The following AMOTL1 variants were observed in gnomAD, a reference collection of about 807,000 sequenced individuals.
The protein encoded by AMOTL1 is angiomotin-like protein 1.
A neutral mutation model predicts 102.9 loss-of-function variants in AMOTL1; 45 were observed. The observed-to-expected ratio is 0.44, with a 90% CI of 0.34 to 0.56. The LOEUF (loss-of-function observed/expected upper bound fraction) is 0.56. AMOTL1 is among the 20% of genes least tolerant of loss of function. The pLI is 0.01. For missense variants in AMOTL1, 1,114 were observed against 1,225.6 expected (o/e 0.91, Z 1.36); for synonymous variants, 481 against 484.7 (o/e 0.99, Z 0.10).
intron 1 of AMOTL1, among the ~76,000 whole-genome samples, chr11:94,787,687 C>CAAAAAAAAAAAAAA (rs59563004): frequency 3.5e-5 from 2 of 57,544 alleles, no homozygotes; most frequent in African/African-American, 8.1e-5. Context: ...AACTCCGTCT[C>CAAAAAAAAAAAAAA]AAAAAAAAAA....
chr11:94,830,260 C>T (rs1952045568), intron 5 of AMOTL1, 66 bp downstream of exon 5: 3 of 1,452,010 alleles, frequency 2.1e-6, no homozygotes, highest in Admixed American at 2.5e-5. Context: ...AAAAGCACGA[C>T]TTCAAGGCCA....
chr11:94,763,153 A>G (rs547465874), intron 3 of AMOTL1, among the ~76,000 whole-genome samples: 1 of 152,208 alleles, frequency 6.6e-6, no homozygotes, highest in East Asian at 1.9e-4. Context: ...TATTTCCAGA[A>G]CTACACAAGT....
At chr11:94,831,267 G>A (rs1227193843) in intron 5 of AMOTL1, among the ~76,000 whole-genome samples, 185 bp from the exon 6 acceptor site, 1 of 152,004 alleles carries the variant, frequency 6.6e-6, no homozygotes, top group African/African-American at 2.4e-5. Flanking sequence ...ACACAGTGTG[G>A]CATCTGAAGC....
intron 8 of AMOTL1, 50 bp from the exon 9 acceptor site, chr11:94,859,463 GCAGTTGTGTAGA>G: frequency 6.7e-7 from 1 of 1,482,410 alleles, no homozygotes; most frequent in Non-Finnish European, 9.1e-7. Context: ...TTCTGTATGG[GCAGTTGTGTAGA>G]CAGCATTGAT....
chr11:94,799,321 C>A lies in AMOTL1; in HGVS notation c.200-69C>A. 1 of 1,243,862 alleles carries A rather than the reference C, an allele frequency of 8.0e-7. No individual in the cohort carries two copies. The highest frequency in any genetic ancestry group is 1.1e-6 in the Non-Finnish European group (1 of 906,898). The allele number at this position is 1,243,862 out of a possible 1,614,324, so 77.1% of individuals were successfully genotyped here. ...CTGTAGTTAGAATGTTAATTATGTACCACATAGTCACAGACATATATCTCC... is the reference window on the plus strand; with the variant it reads ...CTGTAGTTAGAATGTTAATTATGTAACACATAGTCACAGACATATATCTCC... On this transcript the variant is annotated intron_variant, in intron 2 of 12. Transcript: ENST00000433060. The surrounding 1 kb of genome is among the most constrained non-coding windows in gnomAD (Gnocchi z 4.5).
In AMOTL1 at chr11:94,810,793, C is replaced by CA. The variant is rs36132484; in HGVS notation, c.1121+10492dup. 4.5e-4 allele frequency among the ~76,000 whole-genome samples: 59 copies of CA among 132,438 alleles called. 1 individual carries two copies. In the South Asian group the frequency reaches 0.012, roughly 27 times the overall value. The allele number at this position is 132,438 out of a possible 152,430, so 86.9% of individuals were successfully genotyped here. A position where few individuals can be genotyped will look rare whatever the true frequency, so the allele number is the denominator to read the frequency against. On this transcript the variant is annotated intron_variant, in intron 3 of 12. Transcript: ENST00000433060. ...CTGAGAAGAGAAAAAAACTTTTTCT[C>CA]AAAAAAAAAAGAAAGATCCTAGGAG...
intron 4 of AMOTL1, among the ~76,000 whole-genome samples, chr11:94,823,800 C>A (rs1307890574): frequency 6.6e-6 from 1 of 151,472 alleles, no homozygotes; most frequent in Non-Finnish European, 1.5e-5. Flanking sequence ...ACTGCAATCT[C>A]CGCTTCCCAG....
intron 1 of AMOTL1, among the ~76,000 whole-genome samples, chr11:94,728,581 G>C (rs928040632): frequency 6.6e-6 from 1 of 152,104 alleles, no homozygotes; most frequent in African/African-American, 2.4e-5. Flanking sequence ...AAATAGAAGA[G>C]TGTGTATCTT....
intron 3 of AMOTL1, among the ~76,000 whole-genome samples, chr11:94,816,996 G>T (rs1270330522): frequency 2.0e-5 from 3 of 152,104 alleles, no homozygotes; most frequent in African/African-American, 7.2e-5. Flanking sequence ...CTCTGTGTCA[G>T]ATGAACACAA....
chr11:94,752,350 A>G (rs1211087239), intron 3 of AMOTL1, among the ~76,000 whole-genome samples: 1 of 152,112 alleles, frequency 6.6e-6, no homozygotes, highest in Admixed American at 6.5e-5. Flanking sequence ...TTGCCTTCCT[A>G]GGGCTCTCTG....
upstream of AMOTL1, chr11:94,768,228 C>T (rs953539395): frequency 1.2e-5 from 14 of 1,151,290 alleles, no homozygotes; most frequent in Admixed American, 4.9e-5. Flanking sequence ...CGGCGGGTGT[C>T]TGCAGACGGG....
chr11:94,727,958 C>T (rs1950287805), intron 1 of AMOTL1, among the ~76,000 whole-genome samples: 3 of 152,208 alleles, frequency 2.0e-5, no homozygotes, highest in Admixed American at 2.0e-4. Context: ...GCAGGCAATG[C>T]AGGAACCCGC....
intron 4 of AMOTL1, among the ~76,000 whole-genome samples, chr11:94,828,119 G>A (rs1348692854): frequency 6.6e-6 from 1 of 152,122 alleles, no homozygotes; most frequent in African/African-American, 2.4e-5. Flanking sequence ...TCCAAACCCA[G>A]ACTGGTTTTC....
chr11:94,773,374 C>T (rs764778817), intron 1 of AMOTL1, among the ~76,000 whole-genome samples: 2 of 152,138 alleles, frequency 1.3e-5, no homozygotes, highest in African/African-American at 2.4e-5. Context: ...AGTTATAGTT[C>T]ACTTTTGTCT....
chr11:94,811,722 G>A (rs969015044), intron 3 of AMOTL1, among the ~76,000 whole-genome samples: 5 of 152,214 alleles, frequency 3.3e-5, no homozygotes, highest in East Asian at 1.9e-4. Context: ...AAACAGTTAT[G>A]CAAAACAAAC....
At chr11:94,830,324 C>A in intron 5 of AMOTL1, 130 bp downstream of exon 5, 1 of 853,532 alleles carries the variant, frequency 1.2e-6, no homozygotes, top group Non-Finnish European at 1.7e-6. Context: ...TTGTGTATTT[C>A]AATGATCTGG....
rs1950893288 is a variant in AMOTL1, at chr11:94,768,648, G to C, written c.49+88G>C. ...GTCGCCCCGGGCTCCCCGGGCCCCT[G>C]CTGCTCACGGAAGGGGGCAGCTTCT... is the stretch of plus-strand genomic sequence containing the variant. On this transcript the variant is annotated intron_variant, in intron 1 of 12. Coordinates refer to ENST00000433060, the MANE Select transcript of AMOTL1 (RefSeq NM_130847.3). The C allele has an allele frequency of 2.0e-6, 3 of 1,537,264 alleles. No homozygotes were observed. In the African/African-American group the frequency reaches 4.1e-5, roughly 21 times the overall value.
At chr11:94,762,954 C>T (rs1398250100) in intron 3 of AMOTL1, among the ~76,000 whole-genome samples, 2 of 152,178 alleles carry the variant, frequency 1.3e-5, no homozygotes, top group East Asian at 3.9e-4. Flanking sequence ...GCCAAACTAC[C>T]TATGTAGCAT....
At chr11:94,768,144 C>T (rs1350634732), upstream of AMOTL1, among the ~76,000 whole-genome samples, 1 of 152,174 alleles carries the variant, frequency 6.6e-6, no homozygotes, top group African/African-American at 2.4e-5. Context: ...TGTCGCCCTC[C>T]TAAGTCTCAG....
Sources: allele counts gnomAD v4.1 joint callset (sites outside exome capture counted in the v4.1 genomes callset), GRCh38; gene constraint gnomAD v4.1.1; non-coding constraint Gnocchi (gnomAD v3.1); transcripts MANE v1.5; gene names NCBI Gene and HGNC (gene_info 2026-07-23, HGNC 2026-07-21).